The following ZNF469 variants were observed in gnomAD, a reference collection of about 807,000 sequenced individuals.
ZNF469 encodes zinc finger protein 469.
Under a neutral mutation model 1.0 loss-of-function variants are expected in ZNF469, and 1 was observed. The observed-to-expected ratio is 1.00, with a 90% CI of 0.35 to 4.73. The LOEUF (loss-of-function observed/expected upper bound fraction) is 4.73, where lower values mean the gene tolerates loss of function less well. Ranked by LOEUF, ZNF469 falls within the 30% of genes most tolerant of loss-of-function variation. The pLI is 0.16. For synonymous variants in ZNF469, 2,703 were observed against 2,363.4 expected (o/e 1.14, Z -4.17); for missense variants, 6,100 against 5,356.3 (o/e 1.14, Z -4.33).
the ZNF469 span, among the ~76,000 whole-genome samples, chr16:88,331,214 C>T: frequency 1.8e-5 from 2 of 113,120 alleles, no homozygotes; most frequent in South Asian, 2.9e-4. Flanking sequence ...CCATCACAAC[C>T]GTCACCACCA....
the ZNF469 span, among the ~76,000 whole-genome samples, chr16:88,110,881 G>A: frequency 3.9e-5 from 6 of 152,214 alleles, no homozygotes; most frequent in Middle Eastern, 3.2e-3. Flanking sequence ...GTCTGCAGCC[G>A]GGCTCTGTGG....
At chr16:88,422,275 G>GGTAA (rs1905488799) in intron 1 of ZNF469, among the ~76,000 whole-genome samples, 2 of 15,526 alleles carry the variant, frequency 1.3e-4, no homozygotes, top group African/African-American at 2.3e-4. Flanking sequence ...GGATGGATAG[G>GGTAA]TGGGTAATGG....
At chr16:88,247,629 T>C in the ZNF469 span, among the ~76,000 whole-genome samples, 1 of 142,902 alleles carries the variant, frequency 7.0e-6, no homozygotes, top group Non-Finnish European at 1.5e-5. Context: ...ATTGAATGAG[T>C]GAGAGTGAAT....
chr16:88,400,936 G>A (rs1168166775), intron 1 of ZNF469, among the ~76,000 whole-genome samples: 1 of 151,966 alleles, frequency 6.6e-6, no homozygotes, highest in Non-Finnish European at 1.5e-5. Flanking sequence ...GAAACAACCC[G>A]CTGAACAACA....
the ZNF469 span, among the ~76,000 whole-genome samples, chr16:88,123,911 C>T: frequency 6.6e-6 from 1 of 152,150 alleles, no homozygotes; most frequent in East Asian, 1.9e-4. Context: ...TCAAGCGATT[C>T]TCCTGTCTCA....
the ZNF469 span, among the ~76,000 whole-genome samples, chr16:88,133,268 A>G: frequency 6.6e-6 from 1 of 152,236 alleles, no homozygotes; most frequent in African/African-American, 2.4e-5. Flanking sequence ...GTTACTTCTG[A>G]TGATTCCCAC....
chr16:88,399,484 CA>C (rs1904793561), intron 1 of ZNF469, among the ~76,000 whole-genome samples: 1 of 152,118 alleles, frequency 6.6e-6, no homozygotes, highest in Non-Finnish European at 1.5e-5. Context: ...GTGGGCCAGG[CA>C]GGAGGGGGCT....
chr16:88,104,658 A>C, the ZNF469 span, among the ~76,000 whole-genome samples: 38 of 152,292 alleles, frequency 2.5e-4, no homozygotes, highest in South Asian at 7.3e-3. Context: ...ACCACCCCAG[A>C]TGTTCTTGTC....
the ZNF469 span, among the ~76,000 whole-genome samples, chr16:88,117,075 C>T: frequency 1.3e-5 from 2 of 152,088 alleles, no homozygotes; most frequent in African/African-American, 4.8e-5. Context: ...TGTGTTGGCA[C>T]GCCTGATGCT....
At chr16:88,371,518 G>T in the ZNF469 span, among the ~76,000 whole-genome samples, 3 of 152,130 alleles carry the variant, frequency 2.0e-5, no homozygotes, top group African/African-American at 7.2e-5. Flanking sequence ...GAAGTGAAGG[G>T]GTTTGCCCAA....
chr16:88,119,380 C>A, the ZNF469 span, among the ~76,000 whole-genome samples: 6 of 152,212 alleles, frequency 3.9e-5, no homozygotes, highest in African/African-American at 1.4e-4. Flanking sequence ...GGTGCACGTG[C>A]GGGGCCCATC....
the ZNF469 span, among the ~76,000 whole-genome samples, chr16:88,248,840 G>A: frequency 1.3e-5 from 2 of 152,186 alleles, no homozygotes; most frequent in African/African-American, 4.8e-5. Context: ...GGCTGAGGCA[G>A]GTGCCCTTTC....
At chr16:88,238,474 T>TGGATAGATAGACCCC in the ZNF469 span, among the ~76,000 whole-genome samples, 14 of 150,514 alleles carry the variant, frequency 9.3e-5, no homozygotes, top group Non-Finnish European at 1.6e-4. Context: ...AGATAGACCC[T>TGGATAGATAGACCCC]GGATAGATAG....
At chr16:88,244,043 G>A in the ZNF469 span, among the ~76,000 whole-genome samples, 88,514 of 141,762 alleles carry the variant, frequency 0.62, 29,275 homozygotes, top group African/African-American at 0.85. Context: ...ATCGGTGGAT[G>A]GGTGAATGGA....
At chr16:88,370,556 G>T in the ZNF469 span, among the ~76,000 whole-genome samples, 7 of 152,144 alleles carry the variant, frequency 4.6e-5, no homozygotes, top group African/African-American at 1.7e-4. Flanking sequence ...TTCCTCTCGG[G>T]GTTAGACGTT....
At chr16:88,109,000 A>C in the ZNF469 span, among the ~76,000 whole-genome samples, 1 of 152,214 alleles carries the variant, frequency 6.6e-6, no homozygotes, top group South Asian at 2.1e-4. Context: ...AGAGAAACCA[A>C]GATAATCAAT....
At chr16:88,310,279 G>T in the ZNF469 span, among the ~76,000 whole-genome samples, 1 of 152,166 alleles carries the variant, frequency 6.6e-6, no homozygotes, top group African/African-American at 2.4e-5. Flanking sequence ...GGGGAGGGAA[G>T]CAGAATTTCT....
the ZNF469 span, among the ~76,000 whole-genome samples, chr16:88,362,951 C>A: frequency 6.6e-6 from 1 of 152,176 alleles, no homozygotes; most frequent in Non-Finnish European, 1.5e-5. Flanking sequence ...TATGTTCAAA[C>A]TTATGAATTT....
the ZNF469 span, among the ~76,000 whole-genome samples, chr16:88,245,925 C>T: frequency 1.3e-5 from 2 of 152,270 alleles, no homozygotes; most frequent in African/African-American, 4.8e-5. Flanking sequence ...AGTACATAGC[C>T]CGGGGACATC....
Sources: gnomAD v4.1 joint callset for allele counts (sites outside exome capture counted in the v4.1 genomes callset) on GRCh38, gnomAD v4.1.1 for gene constraint, MANE v1.5 for transcripts, NCBI Gene and HGNC (gene_info 2026-07-23, HGNC 2026-07-21) for gene names.